NIPAL3: variants seen among roughly 807,000 people sequenced by gnomAD.
NIPAL3 encodes the protein NIPA like domain containing 3, also known as NIPA-like protein 3.
A neutral mutation model predicts 47.2 loss-of-function variants in NIPAL3; 41 were observed. The observed-to-expected ratio is 0.87, with a 90% CI of 0.68 to 1.13. The LOEUF is 1.13. NIPAL3 is among the 50% of genes most tolerant of loss of function. The pLI, the probability that NIPAL3 is intolerant of heterozygous loss-of-function variation, is 0.00. For missense variants in NIPAL3, 449 were observed against 530.1 expected (o/e 0.85, Z 1.50); for synonymous variants, 194 against 209.6 (o/e 0.93, Z 0.64).
chr1:24,438,327 G>A (rs1645218336), intron 2 of NIPAL3, among the ~76,000 whole-genome samples: 1 of 152,104 alleles, frequency 6.6e-6, no homozygotes, highest in African/African-American at 2.4e-5. Context: ...GTGAGGTTGT[G>A]GCAGAGCTGG....
At chr1:24,413,864 G>A (rs1255853929), upstream of NIPAL3, 1 of 152,254 alleles carries the variant, frequency 6.6e-6, no homozygotes, top group Non-Finnish European at 1.5e-5. Context: ...CAGAGAAGCC[G>A]GCCGAATTTT....
chr1:24,424,482 G>A (rs979484498), intron 2 of NIPAL3, among the ~76,000 whole-genome samples: 7 of 152,218 alleles, frequency 4.6e-5, no homozygotes, highest in African/African-American at 1.7e-4. Flanking sequence ...GAGTAGAGGG[G>A]ACGGTGTGGT....
chr1:24,444,430 A>G (rs1428085040), intron 4 of NIPAL3, among the ~76,000 whole-genome samples: 1 of 152,204 alleles, frequency 6.6e-6, no homozygotes, highest in Non-Finnish European at 1.5e-5. Flanking sequence ...TATATGGTAT[A>G]GACATTATCA....
chr1:24,446,138 A>G (rs1480534047), intron 5 of NIPAL3, among the ~76,000 whole-genome samples: 1 of 151,868 alleles, frequency 6.6e-6, no homozygotes, highest in Non-Finnish European at 1.5e-5. Context: ...ATAAACAAGC[A>G]ACTAAATGAA....
chr1:24,458,784 CT>C, intron 8 of NIPAL3, 103 bp from the exon 9 acceptor site: 1 of 874,512 alleles, frequency 1.1e-6, no homozygotes. Flanking sequence ...AGGAACATTC[CT>C]AAATGTATCA....
intron 11 of NIPAL3, among the ~76,000 whole-genome samples, chr1:24,468,688 C>T (rs902727698): frequency 2.6e-4 from 40 of 152,326 alleles, no homozygotes; most frequent in African/African-American, 9.6e-4. Flanking sequence ...TAGTTCCATT[C>T]CACCTGGGGC....
rs570753551 is a variant in NIPAL3 at position 24,439,454 on chromosome 1, G to A, written c.94-718G>A. Among the ~76,000 whole-genome samples the A allele has an allele frequency of 7.2e-5, 11 of 152,224 alleles. No homozygotes were observed. In the East Asian group the frequency reaches 2.1e-3, roughly 29 times the overall value. ...ATTTATGGACAGAAAAATGTTTGCAGGAATAAGAACCAAAATGTTTATAGT... is the reference window on the plus strand; with the variant it reads ...ATTTATGGACAGAAAAATGTTTGCAAGAATAAGAACCAAAATGTTTATAGT... On this transcript the variant is annotated intron_variant, in intron 2 of 11. Coordinates refer to ENST00000374399, the MANE Select transcript of NIPAL3 (RefSeq NM_020448.5).
At chr1:24,419,721 T>C in intron 2 of NIPAL3, 81 bp downstream of exon 2, 1 of 1,212,008 alleles carries the variant, frequency 8.3e-7, no homozygotes, top group Non-Finnish European at 1.2e-6. Flanking sequence ...CTAACAGATA[T>C]GTATGGGGTC....
intron 2 of NIPAL3, among the ~76,000 whole-genome samples, chr1:24,428,011 C>T (rs748240094): frequency 1.3e-5 from 2 of 152,072 alleles, no homozygotes; most frequent in African/African-American, 2.4e-5. Flanking sequence ...TCTGGAAGGC[C>T]GAGGCAGCCT....
chr1:24,463,235 A>G (rs1279247058), intron 10 of NIPAL3, among the ~76,000 whole-genome samples: 2 of 152,196 alleles, frequency 1.3e-5, no homozygotes, highest in Admixed American at 6.5e-5. Context: ...TTAACATTTT[A>G]TCAAATGAAA....
At chr1:24,453,642 T>C (rs1646048881) in intron 7 of NIPAL3, 138 bp downstream of exon 7, 1 of 703,526 alleles carries the variant, frequency 1.4e-6, no homozygotes, top group Admixed American at 2.5e-5. Context: ...TCTCCATCAG[T>C]GGCTCTGGGG....
intron 9 of NIPAL3, among the ~76,000 whole-genome samples, chr1:24,460,226 A>G (rs997929555): frequency 6.6e-6 from 1 of 152,148 alleles, no homozygotes; most frequent in African/African-American, 2.4e-5. Flanking sequence ...ACTCTACACC[A>G]TTTTTGTGAG....
chr1:24,447,223 C>T (rs1421526546), intron 5 of NIPAL3, among the ~76,000 whole-genome samples: 1 of 152,144 alleles, frequency 6.6e-6, no homozygotes, highest in African/African-American at 2.4e-5. Context: ...TAGAGCTTCC[C>T]AGGGTGAAGT....
chr1:24,431,951 C>T (rs1644899241), intron 2 of NIPAL3, among the ~76,000 whole-genome samples: 1 of 151,598 alleles, frequency 6.6e-6, no homozygotes, highest in Admixed American at 6.6e-5. Context: ...GTCCCTGTCA[C>T]GTAGAGTACC....
At chr1:24,464,147 C>A in intron 11 of NIPAL3, 27 bp downstream of exon 11, 1 of 1,569,478 alleles carries the variant, frequency 6.4e-7, no homozygotes. Flanking sequence ...GTGGGTCTAG[C>A]TGAACATCCA....
chr1:24,450,679 T>C (rs1311298440), intron 6 of NIPAL3, among the ~76,000 whole-genome samples: 1 of 152,210 alleles, frequency 6.6e-6, no homozygotes, highest in Admixed American at 6.5e-5. Flanking sequence ...AGAGGTTAGC[T>C]GACCTGCTCA....
At chr1:24,418,884 A>G (rs967794978) in intron 1 of NIPAL3, among the ~76,000 whole-genome samples, 5 of 150,514 alleles carry the variant, frequency 3.3e-5, no homozygotes, top group African/African-American at 1.2e-4. Flanking sequence ...TCCTAAGCTG[A>G]AACTTAAATA....
intron 11 of NIPAL3, among the ~76,000 whole-genome samples, chr1:24,468,124 G>C (rs1646775298): frequency 6.6e-6 from 1 of 151,910 alleles, no homozygotes; most frequent in South Asian, 2.1e-4. Flanking sequence ...TGGGCAACAT[G>C]CTGAAACCCC....
At chr1:24,433,186 G>A (rs1012009926) in intron 2 of NIPAL3, 1 of 152,232 alleles carries the variant, frequency 6.6e-6, no homozygotes, top group African/African-American at 2.4e-5. Flanking sequence ...GAGTCACAGT[G>A]TCATGAAGGA....
Sources: allele counts gnomAD v4.1 joint callset (sites outside exome capture counted in the v4.1 genomes callset), GRCh38; gene constraint gnomAD v4.1.1; transcripts MANE v1.5; gene names NCBI Gene and HGNC (gene_info 2026-07-23, HGNC 2026-07-21).